MIA2: variants seen among roughly 807,000 people sequenced by gnomAD.
MIA2 encodes the protein melanoma inhibitory activity protein 2.
Under a neutral mutation model 167.8 loss-of-function variants are expected in MIA2, and 127 were observed. The ratio of observed to expected loss-of-function variants is 0.76; its 90% CI spans 0.66 to 0.88. The LOEUF (loss-of-function observed/expected upper bound fraction) is 0.88. Ranked by LOEUF, MIA2 falls within the 40% of genes least tolerant of loss-of-function variation. MIA2 has a pLI of 0.00. For missense variants in MIA2, 1,690 were observed against 1,624.7 expected (o/e 1.04, Z -0.69); for synonymous variants, 552 against 541.9 (o/e 1.02, Z -0.26).
chr14:39,276,951 T>C lies in MIA2; in HGVS notation c.1905T>C (p.Pro635=), dbSNP rs1566676956. ...ILTERVVAAL[P]EGMRPDSNLY... Reference sequence around the variant, plus strand: ...TCTTGAAGGTTGTGGCAGCACTGCCTGAAGGTATGAGACCAGATTCTAATC... The same window carrying C: ...TCTTGAAGGTTGTGGCAGCACTGCCCGAAGGTATGAGACCAGATTCTAATC... The change falls in exon 7 of 29, where the codon CCT becomes CCC. Residue 635 remains proline, a synonymous_variant. Coordinates refer to ENST00000640607, the MANE Select transcript of MIA2 (RefSeq NM_001329214.4). 3 of 1,613,436 alleles carry C rather than the reference T, an allele frequency of 1.9e-6. No individual in the cohort carries two copies. Among genetic ancestry groups the C allele is most frequent in the Admixed American group, 1.7e-5 (1 of 59,780 alleles).
At chr14:39,302,644 T>C (rs1348585538) in intron 15 of MIA2, among the ~76,000 whole-genome samples, 1 of 152,202 alleles carries the variant, frequency 6.6e-6, no homozygotes, top group Non-Finnish European at 1.5e-5. Flanking sequence ...TCTTTTGCTT[T>C]TGTCAGAGGT....
chr14:39,280,978 A>AGTG (rs2058846712), intron 9 of MIA2, among the ~76,000 whole-genome samples: 3 of 123,298 alleles, frequency 2.4e-5, no homozygotes, highest in African/African-American at 9.5e-5. Flanking sequence ...GCTGCAGTAC[A>AGTG]GTGGTGTGAT....
intron 23 of MIA2, among the ~76,000 whole-genome samples, chr14:39,381,716 A>G (rs148945054): frequency 0.017 from 2,588 of 149,250 alleles, 51 homozygotes; most frequent in African/African-American, 0.053. Flanking sequence ...GAATCTAACC[A>G]ATTCAGAGGC....
downstream of MIA2, among the ~76,000 whole-genome samples, chr14:39,352,283 G>T (rs2074409402): frequency 6.6e-6 from 1 of 150,588 alleles, no homozygotes; most frequent in African/African-American, 2.4e-5. Flanking sequence ...TGTGAACAGA[G>T]CCTGCCTTTT....
chr14:39,300,264 T>G (rs1427667120), intron 14 of MIA2, among the ~76,000 whole-genome samples: 1 of 152,160 alleles, frequency 6.6e-6, no homozygotes, highest in Non-Finnish European at 1.5e-5. Context: ...TTTCTACCAT[T>G]TCTCTTCAGG....
At chr14:39,268,979 G>A (rs2056574309) in intron 6 of MIA2, 1 of 982,058 alleles carries the variant, frequency 1.0e-6, no homozygotes, top group Non-Finnish European at 1.2e-6. Flanking sequence ...TTATAGGACT[G>A]CCAGTGTACA....
intron 1 of MIA2, among the ~76,000 whole-genome samples, chr14:39,236,114 G>A (rs147021990): frequency 1.3e-5 from 2 of 152,282 alleles, no homozygotes; most frequent in African/African-American, 4.8e-5. Flanking sequence ...CAGATGAGAT[G>A]TAAGATAAGT....
chr14:39,297,078 T>C (rs1415938212), intron 13 of MIA2, among the ~76,000 whole-genome samples: 4 of 139,802 alleles, frequency 2.9e-5, no homozygotes, highest in Non-Finnish European at 4.7e-5. Context: ...CGCCCGGCTA[T>C]TGGTGGGCTT....
chr14:39,355,004 A>G (rs974790588), downstream of MIA2, among the ~76,000 whole-genome samples: 9 of 152,096 alleles, frequency 5.9e-5, no homozygotes, highest in Admixed American at 3.9e-4. Flanking sequence ...TGATGCCTCC[A>G]GCTTTGTTCT....
intron 23 of MIA2, among the ~76,000 whole-genome samples, chr14:39,368,689 G>T (rs12589015): frequency 0.34 from 42,957 of 126,112 alleles, 6,667 homozygotes; most frequent in East Asian, 0.54. Flanking sequence ...TCTTTTTTTT[G>T]TTTTTTTTTT....
intron 25 of MIA2, among the ~76,000 whole-genome samples, chr14:39,338,227 G>C (rs1164873816): frequency 6.6e-6 from 1 of 152,146 alleles, no homozygotes; most frequent in Non-Finnish European, 1.5e-5. Flanking sequence ...CATAGAACTA[G>C]ACACGAGTTG....
At chr14:39,300,699 G>C (rs1437315861) in intron 14 of MIA2, among the ~76,000 whole-genome samples, 1 of 150,144 alleles carries the variant, frequency 6.7e-6, no homozygotes, top group Non-Finnish European at 1.5e-5. Flanking sequence ...GATAGCATTA[G>C]GAGATATACC....
chr14:39,347,223 C>G (rs868731915), intron 26 of MIA2, among the ~76,000 whole-genome samples: 7 of 152,222 alleles, frequency 4.6e-5, no homozygotes, highest in African/African-American at 1.4e-4. Flanking sequence ...AATGAGAAAG[C>G]TACAAGAGGA....
chr14:39,271,532 T>A (rs147371146), intron 6 of MIA2, among the ~76,000 whole-genome samples: 46 of 152,276 alleles, frequency 3.0e-4, no homozygotes, highest in Non-Finnish European at 5.4e-4. Context: ...TTTAGGAATT[T>A]AGGATTCAGT....
intron 23 of MIA2, among the ~76,000 whole-genome samples, chr14:39,364,854 A>ATT (rs35633574): frequency 5.3e-5 from 8 of 150,592 alleles, no homozygotes; most frequent in Admixed American, 1.3e-4. Flanking sequence ...ATGTAACTAG[A>ATT]TTTTTTTTTC....
chr14:39,314,123 C>T (rs1240306308), intron 19 of MIA2, among the ~76,000 whole-genome samples: 1 of 152,156 alleles, frequency 6.6e-6, no homozygotes, highest in Non-Finnish European at 1.5e-5. Flanking sequence ...TGGTGGCTCA[C>T]GCCTATAATC....
At chr14:39,294,238 C>G (rs547691348) in intron 12 of MIA2, among the ~76,000 whole-genome samples, 167 bp downstream of exon 12, 53 of 151,488 alleles carry the variant, frequency 3.5e-4, no homozygotes, top group African/African-American at 1.3e-3. Flanking sequence ...GGCTGTGTTG[C>G]CCAGGCTGGA....
rs867577621 is a variant in MIA2 at position 39,386,518 on chromosome 14, T to A, written c.2249-367T>A. 1.5e-5 allele frequency: 20 copies of A among 1,378,916 alleles called. No homozygotes were observed. In the Middle Eastern group the frequency reaches 6.0e-4, roughly 41 times the overall value. 85.4% of individuals were successfully genotyped at this position (1,378,916 alleles called of 1,614,324 possible). A position where few individuals can be genotyped will look rare whatever the true frequency, so the allele number is the denominator to read the frequency against. On this transcript the variant is annotated intron_variant, in intron 23 of 23. Transcript: ENST00000341502. Reference sequence around the variant, plus strand: ...ACTTGGGATTCTTGGCCTTTTTTTTTATATTCACATTTCTCCTTTTTCTTT... The same window carrying A: ...ACTTGGGATTCTTGGCCTTTTTTTTAATATTCACATTTCTCCTTTTTCTTT...
chr14:39,268,350 TA>T (rs1431144975), intron 6 of MIA2, among the ~76,000 whole-genome samples: 6 of 152,130 alleles, frequency 3.9e-5, no homozygotes, highest in Admixed American at 3.3e-4. Flanking sequence ...TGCATACGCA[TA>T]TATATGTATT....
Sources: gnomAD v4.1 joint callset for allele counts (sites outside exome capture counted in the v4.1 genomes callset) on GRCh38, gnomAD v4.1.1 for gene constraint, MANE v1.5 for transcripts, NCBI Gene and HGNC (gene_info 2026-07-23, HGNC 2026-07-21) for gene names.